PSD3: variants seen among roughly 807,000 people sequenced by gnomAD.
PSD3 encodes the protein PH and SEC7 domain-containing protein 3.
PSD3 carries 49 observed loss-of-function variants against 105.5 expected under a neutral mutation model. That is an observed-to-expected ratio of 0.46 (90% CI 0.37 to 0.59). The LOEUF (loss-of-function observed/expected upper bound fraction) is 0.59. PSD3 is among the 20% of genes least tolerant of loss of function. The pLI is 0.00. For missense variants in PSD3, 1,561 were observed against 1,263.8 expected, an observed-to-expected ratio of 1.24 and a Z score of -3.57; for synonymous variants, 557 against 457.8, an observed-to-expected ratio of 1.22 and a Z score of -2.77.
At chr8:18,629,274 A>C (rs1292589263) in intron 11 of PSD3, among the ~76,000 whole-genome samples, 1 of 152,040 alleles carries the variant, frequency 6.6e-6, no homozygotes, top group African/African-American at 2.4e-5. Flanking sequence ...GCAAAATGAT[A>C]TAGAAACTTT....
chr8:18,594,167 C>CATATTATATAATATATATTATTAT lies in PSD3; in HGVS notation c.2481+6173_2481+6196dup, dbSNP rs1803842093. Among the ~76,000 whole-genome samples the CATATTATATAATATATATTATTAT allele has an allele frequency of 3.4e-4, 8 of 23,680 alleles. 1 individual carries two copies. Among genetic ancestry groups the CATATTATATAATATATATTATTAT allele is most frequent in the African/African-American group, 1.0e-3 (8 of 7,752 alleles). 15.5% of individuals were successfully genotyped at this position (23,680 alleles called of 152,430 possible). A position where few individuals can be genotyped will look rare whatever the true frequency, so the allele number is the denominator to read the frequency against. ...ATTATATAATATATATTATTATATACATATTATATAATATATATTATTATA... is the reference window on the plus strand; with the variant it reads ...ATTATATAATATATATTATTATATACATATTATATAATATATATTATTATATATTATATAATATATATTATTATA... On this transcript the variant is annotated intron_variant, in intron 12 of 15. Transcript: ENST00000327040.
At chr8:18,799,472 T>G in intron 7 of PSD3, 119 bp from the exon 8 acceptor site, 1 of 769,556 alleles carries the variant, frequency 1.3e-6, no homozygotes, top group South Asian at 1.6e-5. Flanking sequence ...TAGGTACAAT[T>G]AGTCCTGTTT....
intron 9 of PSD3, among the ~76,000 whole-genome samples, chr8:18,663,591 T>A (rs1196618162): frequency 6.6e-6 from 1 of 152,248 alleles, no homozygotes; most frequent in African/African-American, 2.4e-5. Flanking sequence ...AGCACATTTC[T>A]CCTAAACTAC....
intron 2 of PSD3, among the ~76,000 whole-genome samples, chr8:18,897,671 C>A (rs1420537714): frequency 6.6e-6 from 1 of 152,148 alleles, no homozygotes; most frequent in Non-Finnish European, 1.5e-5. Context: ...ATGCCTGCTG[C>A]AATTTCTTAC....
At chr8:18,742,017 G>A (rs1259509449) in intron 9 of PSD3, among the ~76,000 whole-genome samples, 2 of 152,074 alleles carry the variant, frequency 1.3e-5, no homozygotes, top group African/African-American at 4.8e-5. Context: ...ACATTACCAG[G>A]AGTAATATGA....
chr8:18,848,325 G>GAATA (rs1225868957), intron 4 of PSD3, among the ~76,000 whole-genome samples: 1 of 152,160 alleles, frequency 6.6e-6, no homozygotes, highest in Non-Finnish European at 1.5e-5. Context: ...TTTTGATACT[G>GAATA]AATACATACT....
rs1176847076 is a variant in PSD3, at chr8:18,823,081, G to A, written c.1635-18183C>T. Among the ~76,000 whole-genome samples the A allele has an allele frequency of 2.4e-4, 32 of 131,620 alleles. No homozygotes were observed. In the Admixed American group the frequency reaches 2.7e-3, roughly 11 times the overall value. The allele number at this position is 131,620 out of a possible 152,430, so 86.3% of individuals were successfully genotyped here. A position where few individuals can be genotyped will look rare whatever the true frequency, so the allele number is the denominator to read the frequency against. On this transcript the variant is annotated intron_variant, in intron 4 of 15. Transcript: ENST00000327040. ...TGGTTTTATAAAGAAGGAGGAAAAG[G>A]GAGAATGGAGAGACAGGAAAAAAAA... is the stretch of plus-strand genomic sequence containing the variant.
At chr8:18,778,914 G>A (rs867466350) in intron 8 of PSD3, among the ~76,000 whole-genome samples, 1 of 151,932 alleles carries the variant, frequency 6.6e-6, no homozygotes, top group African/African-American at 2.4e-5. Flanking sequence ...GGCCTATAGT[G>A]TTTTCTTATT....
At chr8:18,902,858 A>C (rs765915950) in intron 2 of PSD3, among the ~76,000 whole-genome samples, 1 of 152,138 alleles carries the variant, frequency 6.6e-6, no homozygotes, top group Non-Finnish European at 1.5e-5. Context: ...TAGGCTGCTA[A>C]TGTCTTCAGT....
At chr8:18,561,250 A>G (rs981961260) in intron 14 of PSD3, among the ~76,000 whole-genome samples, 1 of 152,216 alleles carries the variant, frequency 6.6e-6, no homozygotes, top group African/African-American at 2.4e-5. Flanking sequence ...AAAAATGGAT[A>G]AGGAAAATGT....
At chr8:18,592,959 T>A (rs908172625) in intron 12 of PSD3, among the ~76,000 whole-genome samples, 1 of 152,142 alleles carries the variant, frequency 6.6e-6, no homozygotes, top group Non-Finnish European at 1.5e-5. Context: ...TTACACCTTA[T>A]ACAAAAATTA....
intron 2 of PSD3, among the ~76,000 whole-genome samples, chr8:18,928,975 C>T (rs893240757): frequency 6.6e-6 from 1 of 152,082 alleles, no homozygotes; most frequent in African/African-American, 2.4e-5. Flanking sequence ...GAGCCACCAA[C>T]AAGTCTTTTG....
At chr8:19,043,212 G>A (rs1828185789) in intron 1 of PSD3, among the ~76,000 whole-genome samples, 1 of 152,146 alleles carries the variant, frequency 6.6e-6, no homozygotes, top group Admixed American at 6.5e-5. Context: ...TAGGATATTT[G>A]GCCAAAATGG....
At chr8:18,789,676 C>T (rs1809511814) in intron 8 of PSD3, among the ~76,000 whole-genome samples, 1 of 152,144 alleles carries the variant, frequency 6.6e-6, no homozygotes. Flanking sequence ...ACCTAACTCA[C>T]TGTCAAATTA....
chr8:18,909,825 G>A (rs1213332108), intron 2 of PSD3, among the ~76,000 whole-genome samples: 1 of 152,120 alleles, frequency 6.6e-6, no homozygotes, highest in Non-Finnish European at 1.5e-5. Context: ...AATGTTTTAA[G>A]TAAACAGAAA....
chr8:18,703,989 A>G (rs948127455), intron 9 of PSD3, among the ~76,000 whole-genome samples: 3 of 152,216 alleles, frequency 2.0e-5, no homozygotes. Context: ...GGGAAAAAAA[A>G]GAAAAAAGGA....
intron 10 of PSD3, among the ~76,000 whole-genome samples, chr8:18,635,103 T>C (rs868764806): frequency 6.6e-6 from 1 of 152,212 alleles, no homozygotes; most frequent in South Asian, 2.1e-4. Flanking sequence ...AATTTGTTGC[T>C]TAAATTTTTG....
chr8:18,595,002 T>C (rs925455814), intron 12 of PSD3, among the ~76,000 whole-genome samples: 8 of 152,026 alleles, frequency 5.3e-5, no homozygotes, highest in East Asian at 1.9e-4. Flanking sequence ...AATGTTGTAA[T>C]AGTGGTGTGT....
chr8:18,901,613 C>A (rs571128867), intron 2 of PSD3, among the ~76,000 whole-genome samples: 1 of 152,224 alleles, frequency 6.6e-6, no homozygotes, highest in South Asian at 2.1e-4. Flanking sequence ...TGTATCTGCT[C>A]CACCAGTGAG....
Sources: allele counts gnomAD v4.1 joint callset (sites outside exome capture counted in the v4.1 genomes callset), GRCh38; gene constraint gnomAD v4.1.1; transcripts MANE v1.5; gene names NCBI Gene and HGNC (gene_info 2026-07-23, HGNC 2026-07-21).